HPCAL1: variants seen among roughly 807,000 people sequenced by gnomAD.
The protein encoded by HPCAL1 is hippocalcin like 1.
In HPCAL1, 8 loss-of-function variants were observed where a neutral mutation model predicts 17.1. That is an observed-to-expected ratio of 0.47 (90% CI 0.27 to 0.84). HPCAL1 has a LOEUF of 0.84. Among genes scored for constraint, HPCAL1 ranks in the 40% least tolerant of loss-of-function variants. HPCAL1 has a pLI of 0.13. For synonymous variants in HPCAL1, 112 were observed against 111.4 expected (o/e 1.01, Z -0.03); for missense variants, 165 against 271.1 (o/e 0.61, Z 2.75).
At chr2:10,403,454 T>TTGTGTG (rs70948890) in intron 2 of HPCAL1, among the ~76,000 whole-genome samples, 21 of 65,106 alleles carry the variant, frequency 3.2e-4, no homozygotes, top group Non-Finnish European at 5.1e-4. Flanking sequence ...AAGAGTTCTT[T>TTGTGTG]TGTGTGTGTG....
intron 1 of HPCAL1, among the ~76,000 whole-genome samples, chr2:10,356,233 G>C (rs1057317396): frequency 6.6e-6 from 1 of 152,126 alleles, no homozygotes; most frequent in African/African-American, 2.4e-5. Flanking sequence ...TAAACCTCCC[G>C]CTCGCCTGGA....
At position 10,384,690 on chromosome 2, in the gene HPCAL1, G is replaced by A. The variant is rs1044692317; in HGVS notation, c.-110-12145G>A. Among the ~76,000 whole-genome samples the A allele has an allele frequency of 6.6e-6, 1 of 152,174 alleles. No individual in the cohort carries two copies. The highest frequency in any genetic ancestry group is 2.4e-5 in the African/African-American group (1 of 41,438). On this transcript the variant is annotated intron_variant, in intron 1 of 4. Transcript: ENST00000307845. This position sits in a 1 kb window ranked among gnomAD's most constrained non-coding sequence, Gnocchi z 4.4. Reference sequence around the variant, plus strand: ...GGTCTGAAGGAAGAGCAGTTCACTGGGGAGTTAGGGAGTGTTCTAGGCAGA... The same window carrying A: ...GGTCTGAAGGAAGAGCAGTTCACTGAGGAGTTAGGGAGTGTTCTAGGCAGA...
At chr2:10,382,416 C>T (rs1668010913) in intron 1 of HPCAL1, among the ~76,000 whole-genome samples, 1 of 151,934 alleles carries the variant, frequency 6.6e-6, no homozygotes, top group African/African-American at 2.4e-5. Flanking sequence ...AGCAGTGAGT[C>T]CTAATGTAAC....
intron 3 of HPCAL1, 62 bp from the exon 4 acceptor site, chr2:10,422,921 C>A: frequency 8.0e-7 from 1 of 1,242,430 alleles, no homozygotes; most frequent in Non-Finnish European, 1.2e-6. Flanking sequence ...GGAAGCCCAC[C>A]CTTGCTGCAC....
At chr2:10,382,748 C>G (rs570598421) in intron 1 of HPCAL1, among the ~76,000 whole-genome samples, 1 of 152,180 alleles carries the variant, frequency 6.6e-6, no homozygotes, top group Non-Finnish European at 1.5e-5. Flanking sequence ...TCCCTGCTCC[C>G]GTGTGGGACC....
rs894021983 is a variant in HPCAL1, at chr2:10,394,587, C to T, written c.-110-2248C>T. On this transcript the variant is annotated intron_variant, in intron 1 of 4. Transcript: ENST00000307845. This position sits in a 1 kb window ranked among gnomAD's most constrained non-coding sequence, Gnocchi z 5.0. ...GCATCGGTACACGTTTGTCAAAGCC[C>T]ACGGAGTGGCCCACGCCAAGAGGGA... is the stretch of plus-strand genomic sequence containing the variant. Among the ~76,000 whole-genome samples, 6 of 152,126 alleles carry T rather than the reference C, an allele frequency of 3.9e-5. No homozygotes were observed. The East Asian group carries it at 5.8e-4, about 15-fold the overall frequency.
chr2:10,398,614 G>A (rs749981270), intron 2 of HPCAL1, among the ~76,000 whole-genome samples: 5 of 152,124 alleles, frequency 3.3e-5, no homozygotes, highest in Admixed American at 6.5e-5. Flanking sequence ...CTGCTTTCCC[G>A]CTGGGCACCA....
chr2:10,329,782 G>A lies in HPCAL1; in HGVS notation c.-111+26605G>A, dbSNP rs60111608. 2.1e-3 allele frequency among the ~76,000 whole-genome samples: 327 copies of A among 152,328 alleles called. 5 individuals carry two copies. Among genetic ancestry groups the A allele is most frequent in the African/African-American group, 6.9e-3 (289 of 41,584 alleles). ...CCTGGGCTCCAGGTGGGCCTGGGTT[G>A]GGGCTCCCAGCTGCAGGAATGCAAA... On this transcript the variant is annotated intron_variant, in intron 1 of 4. Coordinates refer to ENST00000307845, the MANE Select transcript of HPCAL1 (RefSeq NM_002149.4).
intron 1 of HPCAL1, among the ~76,000 whole-genome samples, chr2:10,313,985 G>T (rs1663144200): frequency 6.6e-6 from 1 of 152,018 alleles, no homozygotes; most frequent in African/African-American, 2.4e-5. Flanking sequence ...ATAAAAATTA[G>T]CTGGGCTTGG....
intron 1 of HPCAL1, chr2:10,369,098 G>A (rs1243534790): frequency 6.6e-6 from 1 of 152,198 alleles, no homozygotes; most frequent in Admixed American, 6.5e-5. Context: ...ACTGGAACCT[G>A]CCCATCACAT....
Position 10,310,844 on chromosome 2 carries a change from C to A in HPCAL1, c.-111+7667C>A, listed in dbSNP as rs565024507. On this transcript the variant is annotated intron_variant, in intron 1 of 4. Coordinates refer to ENST00000307845, the MANE Select transcript of HPCAL1 (RefSeq NM_002149.4). This position sits in a 1 kb window ranked among gnomAD's most constrained non-coding sequence, Gnocchi z 4.5. Reference sequence around the variant, plus strand: ...TCTTTTTCTCTAGCAGCAAAATGCTCAGCTCTCTGCCTTCTTTCTGTGCAT... The same window carrying A: ...TCTTTTTCTCTAGCAGCAAAATGCTAAGCTCTCTGCCTTCTTTCTGTGCAT... 3.9e-5 allele frequency among the ~76,000 whole-genome samples: 6 copies of A among 152,280 alleles called. No homozygotes were observed. In the South Asian group the frequency reaches 1.2e-3, roughly 32 times the overall value.
intron 2 of HPCAL1, among the ~76,000 whole-genome samples, chr2:10,404,932 C>A (rs2125598276): frequency 6.6e-6 from 1 of 152,268 alleles, no homozygotes; most frequent in African/African-American, 2.4e-5. Context: ...CAGCCCCCAC[C>A]TCCCGCCGGG....
At chr2:10,334,641 T>C (rs11681739) in intron 1 of HPCAL1, among the ~76,000 whole-genome samples, 2 of 152,216 alleles carry the variant, frequency 1.3e-5, no homozygotes, top group East Asian at 1.9e-4. Flanking sequence ...ATAGATGTGG[T>C]TCATGGTCTT....
chr2:10,365,140 C>T lies in HPCAL1; in HGVS notation c.-110-31695C>T, dbSNP rs1666767287. Among the ~76,000 whole-genome samples, 1 of 152,140 alleles carries T rather than the reference C, an allele frequency of 6.6e-6. No individual in the cohort carries two copies. ...CCCTAAATGAGAGTGTCCACACCACCCGCCCTGAGTTCTGAACTTAGCCAC... is the reference window on the plus strand; with the variant it reads ...CCCTAAATGAGAGTGTCCACACCACTCGCCCTGAGTTCTGAACTTAGCCAC... On this transcript the variant is annotated intron_variant, in intron 1 of 4. Transcript: ENST00000307845. The surrounding 1 kb of genome is among the most constrained non-coding windows in gnomAD (Gnocchi z 4.8).
At chr2:10,408,464 C>T (rs1179942372) in intron 2 of HPCAL1, 2 of 152,230 alleles carry the variant, frequency 1.3e-5, no homozygotes, top group Non-Finnish European at 2.9e-5. Context: ...CAGAAATGAG[C>T]TCTAGGTCAG....
intron 1 of HPCAL1, among the ~76,000 whole-genome samples, chr2:10,334,717 G>A (rs148867860): frequency 0.071 from 8,174 of 115,556 alleles, 737 homozygotes; most frequent in African/African-American, 0.22. Flanking sequence ...GCAGGGTCTC[G>A]CTCTGTTACC....
rs558344370 is a variant in HPCAL1 at position 10,335,889 on chromosome 2, C to T, written c.-111+32712C>T. On this transcript the variant is annotated intron_variant, in intron 1 of 4. Coordinates refer to ENST00000307845, the MANE Select transcript of HPCAL1 (RefSeq NM_002149.4). ...GTTCTAGTGAAGTTGGACATATTTT[C>T]GATACATTATTGTCCTTTCTGCTTT... is the stretch of plus-strand genomic sequence containing the variant. 5.9e-5 allele frequency among the ~76,000 whole-genome samples: 9 copies of T among 152,294 alleles called. No individual in the cohort carries two copies. The East Asian group carries it at 1.2e-3, about 20-fold the overall frequency.
rs1160283698 is a variant in HPCAL1 at position 10,323,763 on chromosome 2, T to C, written c.-111+20586T>C. ...AAATATTTATGGAGTGCCTACTGTA[T>C]GCCAGGGATTCTTCCAGGCACTGGG... On this transcript the variant is annotated intron_variant, in intron 1 of 4. Coordinates refer to ENST00000307845, the MANE Select transcript of HPCAL1 (RefSeq NM_002149.4). The surrounding 1 kb of genome is among the most constrained non-coding windows in gnomAD (Gnocchi z 4.6). 6.6e-6 allele frequency among the ~76,000 whole-genome samples: 1 copy of C among 152,240 alleles called. No individual in the cohort carries two copies. The highest frequency in any genetic ancestry group is 1.5e-5 in the Non-Finnish European group (1 of 68,048).
chr2:10,317,422 T>G (rs1192143473), intron 1 of HPCAL1, among the ~76,000 whole-genome samples: 1 of 151,580 alleles, frequency 6.6e-6, no homozygotes, highest in East Asian at 1.9e-4. Flanking sequence ...CAACAATTTT[T>G]TTTTTTTTTT....
Sources: allele counts gnomAD v4.1 joint callset (sites outside exome capture counted in the v4.1 genomes callset), GRCh38; gene constraint gnomAD v4.1.1; non-coding constraint Gnocchi (gnomAD v3.1); transcripts MANE v1.5; gene names NCBI Gene and HGNC (gene_info 2026-07-23, HGNC 2026-07-21).